PIK3C2G: variants seen among roughly 807,000 people sequenced by gnomAD.
The protein encoded by PIK3C2G is phosphatidylinositol 3-kinase C2 domain-containing subunit gamma.
In PIK3C2G, 168 loss-of-function variants were observed where a neutral mutation model predicts 181.1. That is an observed-to-expected ratio of 0.93 (90% CI 0.82 to 1.05). PIK3C2G has a LOEUF of 1.05. PIK3C2G is among the 50% of genes least tolerant of loss of function. The pLI, the probability that PIK3C2G is intolerant of heterozygous loss-of-function variation, is 0.00. For missense variants in PIK3C2G, 1,869 were observed against 1,732.8 expected, an observed-to-expected ratio of 1.08 and a Z score of -1.40; for synonymous variants, 573 against 592.2, an observed-to-expected ratio of 0.97 and a Z score of 0.47.
intron 12 of PIK3C2G, among the ~76,000 whole-genome samples, chr12:18,370,810 C>A (rs1353303650): frequency 6.6e-6 from 1 of 152,120 alleles, no homozygotes; most frequent in Non-Finnish European, 1.5e-5. Flanking sequence ...TTATAGCTAA[C>A]TTAAACCTTG....
intron 12 of PIK3C2G, 30 bp downstream of exon 12, chr12:18,362,916 A>C (rs1409993312): frequency 6.3e-6 from 9 of 1,432,436 alleles, no homozygotes; most frequent in Non-Finnish European, 7.3e-6. Context: ...TATCTGGATC[A>C]TTTATGTAAT....
chr12:18,533,962 T>TTTG (rs1943700537), intron 24 of PIK3C2G, among the ~76,000 whole-genome samples: 1 of 144,544 alleles, frequency 6.9e-6, no homozygotes, highest in Non-Finnish European at 1.5e-5. Flanking sequence ...TTTTTTTTTT[T>TTTG]TTTCTGAGAC....
intron 16 of PIK3C2G, among the ~76,000 whole-genome samples, chr12:18,420,108 T>TA (rs1945397512): frequency 6.6e-6 from 1 of 152,116 alleles, no homozygotes; most frequent in Non-Finnish European, 1.5e-5. Flanking sequence ...AATTTTTTTC[T>TA]AAAAAATTGT....
intron 5 of PIK3C2G, among the ~76,000 whole-genome samples, chr12:18,297,039 T>C (rs1949969939): frequency 6.6e-6 from 1 of 152,044 alleles, no homozygotes; most frequent in Non-Finnish European, 1.5e-5. Flanking sequence ...AATAGCTTGA[T>C]CCCAGTCAGC....
chr12:18,334,874 T>C (rs1424570844), intron 8 of PIK3C2G, among the ~76,000 whole-genome samples: 1 of 152,100 alleles, frequency 6.6e-6, no homozygotes, highest in African/African-American at 2.4e-5. Flanking sequence ...CATTTGTATA[T>C]GTATGTGTAT....
intron 16 of PIK3C2G, among the ~76,000 whole-genome samples, chr12:18,402,831 T>C (rs2138148354): frequency 6.6e-6 from 1 of 152,266 alleles, no homozygotes; most frequent in South Asian, 2.1e-4. Flanking sequence ...CATTCAATGT[T>C]TTATGTGTCC....
At chr12:18,487,096 TTGTGTGTGTGTGTG>T (rs35440588) in intron 18 of PIK3C2G, among the ~76,000 whole-genome samples, 4 of 142,104 alleles carry the variant, frequency 2.8e-5, no homozygotes, top group African/African-American at 5.3e-5. Context: ...TTGAGGTATT[TTGTGTGTGTGTGTG>T]TGTGTGTGTG....
chr12:18,684,201 T>A, the PIK3C2G span: 13 of 1,612,118 alleles, frequency 8.1e-6, no homozygotes, highest in African/African-American at 1.3e-5. Context: ...ACCTTGACCT[T>A]CAACAACAAA....
At chr12:18,301,578 GTC>G (rs1950176417) in intron 5 of PIK3C2G, among the ~76,000 whole-genome samples, 1 of 150,914 alleles carries the variant, frequency 6.6e-6, no homozygotes, top group Non-Finnish European at 1.5e-5. Context: ...TATTATTTTT[GTC>G]TCTTTTTTTA....
At chr12:18,269,538 G>A (rs1392541948) in intron 1 of PIK3C2G, among the ~76,000 whole-genome samples, 1 of 152,128 alleles carries the variant, frequency 6.6e-6, no homozygotes, top group East Asian at 1.9e-4. Context: ...TCATTTAAGA[G>A]CTAAAACTAT....
rs1949139609 is a variant in PIK3C2G, at chr12:18,627,194, ATTC to A, written c.4183-13227_4183-13225del. 2.6e-5 allele frequency among the ~76,000 whole-genome samples: 4 copies of A among 151,624 alleles called. No individual in the cohort carries two copies. The South Asian group carries it at 8.3e-4, about 31-fold the overall frequency. ...TGCATTTTTTCAGTTCAGTCATTAT[ATTC>A]TTCTTCTCTATGATTTATTTTTGGG... On this transcript the variant is annotated intron_variant, in intron 31 of 32. Transcript: ENST00000538779.
At chr12:18,293,331 A>T (rs1949793574) in intron 4 of PIK3C2G, among the ~76,000 whole-genome samples, 1 of 152,214 alleles carries the variant, frequency 6.6e-6, no homozygotes. Flanking sequence ...TATTATTTCC[A>T]TGTCTCAGTG....
At chr12:18,447,615 AATGTT>A (rs141306650) in intron 18 of PIK3C2G, among the ~76,000 whole-genome samples, 2 of 152,274 alleles carry the variant, frequency 1.3e-5, no homozygotes, top group African/African-American at 4.8e-5. Flanking sequence ...GTATTCTGAA[AATGTT>A]ATGTTTGTTT....
chr12:18,542,863 T>C (rs1170412889), intron 25 of PIK3C2G, among the ~76,000 whole-genome samples: 1 of 152,004 alleles, frequency 6.6e-6, no homozygotes, highest in Admixed American at 6.6e-5. Context: ...AGTGCTGCAG[T>C]GAACATTTGT....
chr12:18,664,844 C>T, the PIK3C2G span, among the ~76,000 whole-genome samples: 1 of 151,528 alleles, frequency 6.6e-6, no homozygotes, highest in African/African-American at 2.4e-5. Context: ...ATGATGAGTT[C>T]ATGTCCTTTG....
chr12:18,285,699 T>TA (rs909440122), intron 2 of PIK3C2G, among the ~76,000 whole-genome samples: 52 of 149,742 alleles, frequency 3.5e-4, no homozygotes, highest in Non-Finnish European at 5.7e-4. Flanking sequence ...CCATGAATTA[T>TA]AAAAAAAAGA....
At position 18,425,800 on chromosome 12, in the gene PIK3C2G, T is replaced by C. The variant is rs555731048; in HGVS notation, c.2504+1761T>C. ...GCAGAAATACCTACACAAGGGTAGATAAATACCATGTGACTGAATGATTCT... is the reference window on the plus strand; with the variant it reads ...GCAGAAATACCTACACAAGGGTAGACAAATACCATGTGACTGAATGATTCT... On this transcript the variant is annotated intron_variant, in intron 18 of 32. Coordinates refer to ENST00000538779, the MANE Select transcript of PIK3C2G (RefSeq NM_001288772.2). Among the ~76,000 whole-genome samples, 54 of 152,354 alleles carry C rather than the reference T, an allele frequency of 3.5e-4. No individual in the cohort carries two copies. The Middle Eastern group carries it at 0.017, about 48-fold the overall frequency.
intron 16 of PIK3C2G, among the ~76,000 whole-genome samples, chr12:18,400,573 T>G (rs1047859179): frequency 1.3e-5 from 2 of 152,286 alleles, no homozygotes; most frequent in Non-Finnish European, 2.9e-5. Flanking sequence ...GAATCCATTC[T>G]CAAGAACCCA....
chr12:18,318,795 T>TAA (rs551213713), intron 6 of PIK3C2G, among the ~76,000 whole-genome samples: 4 of 138,088 alleles, frequency 2.9e-5, no homozygotes, highest in Admixed American at 1.5e-4. Flanking sequence ...AAAGTTGTTC[T>TAA]AAAAAAAAAA....
Sources: gnomAD v4.1 joint callset for allele counts (sites outside exome capture counted in the v4.1 genomes callset) on GRCh38, gnomAD v4.1.1 for gene constraint, MANE v1.5 for transcripts, NCBI Gene and HGNC (gene_info 2026-07-23, HGNC 2026-07-21) for gene names.